Variants in KCNIP1 observed in about 807,000 individuals in gnomAD.
The protein encoded by KCNIP1 is potassium voltage-gated channel interacting protein 1.
KCNIP1 carries 18 observed loss-of-function variants against 33.0 expected under a neutral mutation model. That is an observed-to-expected ratio of 0.55 (90% CI 0.38 to 0.81). The LOEUF is 0.81. Ranked by LOEUF, KCNIP1 falls within the 30% of genes least tolerant of loss-of-function variation. The probability of loss-of-function intolerance (pLI) is 0.00; values close to 1 mark genes in which losing one functional copy is unlikely to be tolerated. For missense variants in KCNIP1, 238 were observed against 271.6 expected (o/e 0.88, Z 0.87); for synonymous variants, 93 against 98.3 (o/e 0.95, Z 0.32).
At chr5:170,717,290 C>T (rs10475951) in intron 1 of KCNIP1, among the ~76,000 whole-genome samples, 20,873 of 151,950 alleles carry the variant, frequency 0.14, 1,846 homozygotes, top group African/African-American at 0.25. Context: ...CTTTCATTTA[C>T]GTAGAAATGC....
At chr5:170,620,175 C>A (rs1759548389) in intron 1 of KCNIP1, among the ~76,000 whole-genome samples, 1 of 152,172 alleles carries the variant, frequency 6.6e-6, no homozygotes, top group African/African-American at 2.4e-5. Flanking sequence ...CTTCCCTTGT[C>A]CCTAGAGAGC....
intron 1 of KCNIP1, among the ~76,000 whole-genome samples, chr5:170,528,142 C>T (rs1581276336): frequency 6.6e-6 from 1 of 152,102 alleles, no homozygotes; most frequent in East Asian, 1.9e-4. Flanking sequence ...AGGAGACCTG[C>T]CTCTCAGCAG....
chr5:170,682,539 T>C (rs1762384713), intron 1 of KCNIP1, among the ~76,000 whole-genome samples: 1 of 152,174 alleles, frequency 6.6e-6, no homozygotes, highest in African/African-American at 2.4e-5. Flanking sequence ...GGAAAACTTT[T>C]TCTTCCTTAA....
intron 1 of KCNIP1, among the ~76,000 whole-genome samples, chr5:170,434,573 T>C (rs10052852): frequency 0.79 from 119,645 of 152,104 alleles, 47,611 homozygotes; most frequent in African/African-American, 0.9. Flanking sequence ...TTTCCTGGTC[T>C]CTGCAGACTA....
At chr5:170,386,363 C>T (rs1764473836) in intron 1 of KCNIP1, among the ~76,000 whole-genome samples, 1 of 152,176 alleles carries the variant, frequency 6.6e-6, no homozygotes, top group African/African-American at 2.4e-5. Flanking sequence ...GCTCATCCCC[C>T]ACGGCCACTG....
intron 1 of KCNIP1, chr5:170,422,882 T>TA (rs747153138): frequency 9.2e-5 from 14 of 152,220 alleles, no homozygotes; most frequent in Non-Finnish European, 2.1e-4. Context: ...GTCCAGGACT[T>TA]AGAGTCTAGC....
intron 1 of KCNIP1, among the ~76,000 whole-genome samples, chr5:170,564,653 G>A (rs1757145514): frequency 6.6e-6 from 1 of 152,152 alleles, no homozygotes; most frequent in African/African-American, 2.4e-5. Flanking sequence ...CACAGTGCTG[G>A]GACGTGGTAT....
chr5:170,614,988 G>T (rs1020329490), intron 1 of KCNIP1, among the ~76,000 whole-genome samples: 1 of 152,174 alleles, frequency 6.6e-6, no homozygotes, highest in Non-Finnish European at 1.5e-5. Flanking sequence ...GGCCAAGGCG[G>T]GTGAATCACC....
intron 1 of KCNIP1, among the ~76,000 whole-genome samples, chr5:170,373,471 A>T (rs1763901978): frequency 6.6e-6 from 1 of 152,256 alleles, no homozygotes; most frequent in Non-Finnish European, 1.5e-5. Context: ...TTTGGTGTAT[A>T]TGGGTTATAT....
In KCNIP1 at chr5:170,587,421, C is replaced by CAAAAAAAAAA. The variant is rs56358014; in HGVS notation, c.61+82804_61+82813dup. Among the ~76,000 whole-genome samples the CAAAAAAAAAA allele has an allele frequency of 1.3e-4, 9 of 70,334 alleles. 1 individual carries two copies. Among genetic ancestry groups the CAAAAAAAAAA allele is most frequent in the South Asian group, 5.9e-4 (1 of 1,690 alleles). The allele number at this position is 70,334 out of a possible 152,430, so 46.1% of individuals were successfully genotyped here. On this transcript the variant is annotated intron_variant, in intron 1 of 7. Transcript: ENST00000328939. Reference sequence around the variant, plus strand: ...TGGGCAACAGAGCGAGACTCTGTCTCAAAAAAAAAAAAAAAAAAAAAAAAA... The same window carrying CAAAAAAAAAA: ...TGGGCAACAGAGCGAGACTCTGTCTCAAAAAAAAAAAAAAAAAAAAAAAAAAAAAAAAAAA...
chr5:170,434,878 C>G (rs938601772), intron 1 of KCNIP1, among the ~76,000 whole-genome samples: 1 of 152,164 alleles, frequency 6.6e-6, no homozygotes, highest in Non-Finnish European at 1.5e-5. Flanking sequence ...TCACTTGAAC[C>G]CAGGAAGGGG....
intron 1 of KCNIP1, among the ~76,000 whole-genome samples, chr5:170,394,416 C>A (rs1022789641): frequency 6.6e-6 from 1 of 152,132 alleles, no homozygotes; most frequent in East Asian, 1.9e-4. Flanking sequence ...GCATCTCTAG[C>A]GCCAGGAGGA....
chr5:170,408,938 T>C (rs1755108480), intron 1 of KCNIP1, among the ~76,000 whole-genome samples: 1 of 152,142 alleles, frequency 6.6e-6, no homozygotes, highest in Admixed American at 6.5e-5. Flanking sequence ...ACCTGGTCTC[T>C]AAAGGTGCCA....
chr5:170,724,639 A>G (rs1236174119), intron 5 of KCNIP1, among the ~76,000 whole-genome samples: 1 of 152,236 alleles, frequency 6.6e-6, no homozygotes, highest in East Asian at 1.9e-4. Flanking sequence ...TGAATTTAAC[A>G]AAGTGAAGAC....
Position 170,718,882 on chromosome 5 carries a change from T to C in KCNIP1, c.186T>C (p.Asn62=), listed in dbSNP as rs751776849. 2 of 1,610,142 alleles carry C rather than the reference T, an allele frequency of 1.2e-6. No homozygotes were observed. Among genetic ancestry groups the C allele is most frequent in the Non-Finnish European group, 8.5e-7 (1 of 1,178,840 alleles). Residue 62 remains asparagine, a splice_region_variant and synonymous_variant, in exon 2 of 8, where the codon AAT becomes AAC. Transcript: ENST00000328939. ...ELQVLYRGFK[N]ECPSGVVNED... ...AGGTCCTTTATCGAGGCTTCAAAAA[T>C]GTAAGACCCGTGCACGCTCTGAAGG...
intron 1 of KCNIP1, among the ~76,000 whole-genome samples, chr5:170,694,860 G>A (rs1762839204): frequency 6.6e-6 from 1 of 152,190 alleles, no homozygotes; most frequent in Admixed American, 6.5e-5. Context: ...AAGCTGTTGA[G>A]TTTAAAGAAC....
chr5:170,672,128 A>G (rs1761949964), intron 1 of KCNIP1, among the ~76,000 whole-genome samples: 1 of 152,208 alleles, frequency 6.6e-6, no homozygotes, highest in African/African-American at 2.4e-5. Flanking sequence ...AAGGACCAGC[A>G]TATGCAAAGG....
At chr5:170,565,552 A>T (rs1489130904) in intron 1 of KCNIP1, among the ~76,000 whole-genome samples, 1 of 152,244 alleles carries the variant, frequency 6.6e-6, no homozygotes, top group African/African-American at 2.4e-5. Flanking sequence ...AAAAAAATAC[A>T]TAAGGAAAAA....
At chr5:170,394,146 C>T (rs1391122275) in intron 1 of KCNIP1, among the ~76,000 whole-genome samples, 1 of 152,152 alleles carries the variant, frequency 6.6e-6, no homozygotes, top group African/African-American at 2.4e-5. Context: ...CTGTCCTTGC[C>T]TCCTGGCCAG....
Sources: allele counts gnomAD v4.1 joint callset (sites outside exome capture counted in the v4.1 genomes callset), GRCh38; gene constraint gnomAD v4.1.1; transcripts MANE v1.5; gene names NCBI Gene and HGNC (gene_info 2026-07-23, HGNC 2026-07-21).